The following PPFIA3 variants were observed in gnomAD, a reference collection of about 807,000 sequenced individuals.
The protein encoded by PPFIA3 is PPFI scaffold protein A3.
Under a neutral mutation model 145.8 loss-of-function variants are expected in PPFIA3, and 26 were observed. The observed-to-expected ratio is 0.18, with a 90% CI of 0.13 to 0.25. The LOEUF (loss-of-function observed/expected upper bound fraction) is 0.25, where lower values mean the gene tolerates loss of function less well. Among genes scored for constraint, PPFIA3 ranks in the 10% least tolerant of loss-of-function variants. PPFIA3 has a pLI of 1.00. For missense variants in PPFIA3, 1,008 were observed against 1,587.8 expected (o/e 0.63, Z 6.21); for synonymous variants, 645 against 661.4 (o/e 0.98, Z 0.38).
Position 49,137,628 on chromosome 19 carries a change from C to CAAAAAAAAAAAAAA in PPFIA3, c.1854-560_1854-547dup, listed in dbSNP as rs3032695. ...TGGGCTACAGAGCGAGACTCCGTGT[C>CAAAAAAAAAAAAAA]AAAAAAAAAAAAAAAAAAAAAAAAA... On this transcript the variant is annotated intron_variant, in intron 15 of 29. Coordinates refer to ENST00000334186, the MANE Select transcript of PPFIA3 (RefSeq NM_003660.4). Among the ~76,000 whole-genome samples, 137 of 43,780 alleles carry CAAAAAAAAAAAAAA rather than the reference C, an allele frequency of 3.1e-3. 15 individuals carry two copies. Among genetic ancestry groups the CAAAAAAAAAAAAAA allele is most frequent in the Middle Eastern group, 0.031 (1 of 32 alleles). 28.7% of individuals were successfully genotyped at this position (43,780 alleles called of 152,430 possible).
Position 49,136,707 on chromosome 19 carries a change from TC to T in PPFIA3, c.1666-13del. 2 of 1,418,934 alleles carry T rather than the reference TC, an allele frequency of 1.4e-6. No individual in the cohort carries two copies. Among genetic ancestry groups the T allele is most frequent in the Admixed American group, 2.5e-5 (1 of 39,928 alleles). 87.9% of individuals were successfully genotyped at this position (1,418,934 alleles called of 1,614,324 possible). ...CCCCCAGCCACCTAATGTCCCTCTG[TC>T]CCCACACAGGGATAGGATTGGGAGC... On this transcript the variant is annotated splice_polypyrimidine_tract_variant and intron_variant, in intron 14 of 29. Transcript: ENST00000334186.
intron 18 of PPFIA3, 96 bp downstream of exon 18, chr19:49,140,184 T>C (rs2122612586): frequency 7.2e-7 from 1 of 1,384,242 alleles, no homozygotes; most frequent in African/African-American, 1.4e-5. Flanking sequence ...CATCCATTCA[T>C]GTCTTCATTC....
At position 49,138,653 on chromosome 19, in the gene PPFIA3, C is replaced by T. The variant is rs989161675; in HGVS notation, c.2076+226C>T. On this transcript the variant is annotated intron_variant, in intron 16 of 29. Coordinates refer to ENST00000334186, the MANE Select transcript of PPFIA3 (RefSeq NM_003660.4). ...ATCTGGTCTACTTTTATTTCTCATG[C>T]GTCAAGTTTCTGCATAGGATTTTAA... 5.3e-5 allele frequency among the ~76,000 whole-genome samples: 8 copies of T among 152,270 alleles called. 1 individual carries two copies. Among genetic ancestry groups the T allele is most frequent in the African/African-American group, 1.2e-4 (5 of 41,540 alleles).
At chr19:49,146,339 TC>T in intron 23 of PPFIA3, 147 bp downstream of exon 23, 1 of 1,018,346 alleles carries the variant, frequency 9.8e-7, no homozygotes, top group Non-Finnish European at 1.4e-6. Flanking sequence ...TCTGGACTGT[TC>T]CATTATGGCT....
intron 21 of PPFIA3, 127 bp downstream of exon 21, chr19:49,143,131 C>G (rs148310154): frequency 0.012 from 13,269 of 1,077,014 alleles, 116 homozygotes; most frequent in African/African-American, 0.021. Flanking sequence ...GCTTTTACCC[C>G]CCTCAGCCTC....
intron 24 of PPFIA3, 182 bp from the exon 25 acceptor site, chr19:49,148,484 T>G: frequency 1.4e-6 from 1 of 722,844 alleles, no homozygotes; most frequent in Non-Finnish European, 2.3e-6. Context: ...CCTTCCAGGC[T>G]GGCCAGTAGG....
intron 7 of PPFIA3, among the ~76,000 whole-genome samples, chr19:49,132,389 T>A (rs1443603797): frequency 3.8e-5 from 1 of 26,086 alleles, no homozygotes; most frequent in African/African-American, 2.4e-4. Context: ...ACTCTCTCTC[T>A]CAAAAAAAAA....
intron 13 of PPFIA3, 143 bp downstream of exon 13, chr19:49,135,058 T>C (rs1273202960): frequency 1.4e-6 from 1 of 732,506 alleles, no homozygotes; most frequent in African/African-American, 1.8e-5. Context: ...TTTGTTTGTT[T>C]TGAGACAGAG....
intron 1 of PPFIA3, among the ~76,000 whole-genome samples, chr19:49,124,827 A>C (rs935468393): frequency 6.6e-6 from 1 of 152,032 alleles, no homozygotes; most frequent in Non-Finnish European, 1.5e-5. Context: ...GCACTTTGGG[A>C]GGCCGAGGCG....
chr19:49,135,513 C>A (rs1343076745), intron 13 of PPFIA3, among the ~76,000 whole-genome samples: 1 of 152,208 alleles, frequency 6.6e-6, no homozygotes, highest in Non-Finnish European at 1.5e-5. Flanking sequence ...GCAGGGATTA[C>A]AGGAGCCCAC....
In PPFIA3 at chr19:49,128,204, G is replaced by A; in HGVS notation, c.240+91G>A. On this transcript the variant is annotated intron_variant, in intron 2 of 29. Coordinates refer to ENST00000334186, the MANE Select transcript of PPFIA3 (RefSeq NM_003660.4). This position sits in a 1 kb window ranked among gnomAD's most constrained non-coding sequence, Gnocchi z 4.1. ...GGGGCCGGGCTTGGCGCCTGGAAGG[G>A]AGGAGTCTGGGCGAGGCTTGCCGTT... 6.8e-7 allele frequency: 1 copy of A among 1,474,142 alleles called. No homozygotes were observed. Among genetic ancestry groups the A allele is most frequent in the Non-Finnish European group, 9.1e-7 (1 of 1,104,718 alleles). The allele number at this position is 1,474,142 out of a possible 1,614,324, so 91.3% of individuals were successfully genotyped here. A position where few individuals can be genotyped will look rare whatever the true frequency, so the allele number is the denominator to read the frequency against.
intron 18 of PPFIA3, among the ~76,000 whole-genome samples, chr19:49,140,717 C>T (rs2041211280): frequency 1.6e-5 from 2 of 124,318 alleles, no homozygotes; most frequent in Admixed American, 1.1e-4. Flanking sequence ...TGCAGTGGTG[C>T]TATCTCGGCT....
Position 49,149,452 on chromosome 19 carries a change from G to T in PPFIA3, c.3355-95G>T. 1.9e-6 allele frequency: 3 copies of T among 1,585,996 alleles called. No individual in the cohort carries two copies. The highest frequency in any genetic ancestry group is 1.1e-5 in the South Asian group (1 of 89,936). ...GGGCCAGGAGAGGGGCGGGGTTAAA[G>T]GAGAGGTGAGACCCGGAGAGGGGTG... On this transcript the variant is annotated intron_variant, in intron 27 of 29. Coordinates refer to ENST00000334186, the MANE Select transcript of PPFIA3 (RefSeq NM_003660.4). This position sits in a 1 kb window ranked among gnomAD's most constrained non-coding sequence, Gnocchi z 5.7.
At chr19:49,141,588 A>ATG in intron 19 of PPFIA3, 75 bp downstream of exon 19, 1 of 1,066,500 alleles carries the variant, frequency 9.4e-7, no homozygotes, top group Admixed American at 2.3e-5. Flanking sequence ...GTGTGCGTGT[A>ATG]TGTGTGTGTA....
chr19:49,134,952 G>A (rs1335998593), intron 13 of PPFIA3, 37 bp downstream of exon 13: 2 of 1,503,494 alleles, frequency 1.3e-6, no homozygotes, highest in Non-Finnish European at 8.9e-7. Context: ...CCACCATGGA[G>A]CCCCGTTGGC....
At position 49,139,663 on chromosome 19, in the gene PPFIA3, C is replaced by T. The variant is rs1318415777; in HGVS notation, c.2077-5C>T. The T allele has an allele frequency of 5.3e-5, 84 of 1,579,860 alleles. No homozygotes were observed. The highest frequency in any genetic ancestry group is 6.9e-5 in the Non-Finnish European group (80 of 1,163,892). Reference sequence around the variant, plus strand: ...CAATCCAGCATCTGTGCCCTCTGTCCTCAGAATCATGTCCCTAAGGAGGAA... The same window carrying T: ...CAATCCAGCATCTGTGCCCTCTGTCTTCAGAATCATGTCCCTAAGGAGGAA... On this transcript the variant is annotated splice_polypyrimidine_tract_variant and splice_region_variant and intron_variant, in intron 16 of 29. Transcript: ENST00000334186.
In PPFIA3 at chr19:49,148,895, G is replaced by T. The variant is rs1432543066; in HGVS notation, c.3110-98G>T. 3.2e-6 allele frequency: 5 copies of T among 1,572,100 alleles called. No homozygotes were observed. In the African/African-American group the frequency reaches 5.4e-5, roughly 17 times the overall value. On this transcript the variant is annotated intron_variant, in intron 25 of 29. Coordinates refer to ENST00000334186, the MANE Select transcript of PPFIA3 (RefSeq NM_003660.4). ...CGTGGGGGTGGAGCCAGCGTGGGGG[G>T]CGTGGCCCGAAGAGACCAAATGGAG...
Position 49,120,452 on chromosome 19 carries a change from G to A in PPFIA3, c.-16+730G>A, listed in dbSNP as rs2040923472. 6.6e-6 allele frequency among the ~76,000 whole-genome samples: 1 copy of A among 152,160 alleles called. No individual in the cohort carries two copies. The highest frequency in any genetic ancestry group is 1.5e-5 in the Non-Finnish European group (1 of 68,016). ...TCTGAATTTTCCTATTCTGGTCGCCGTGGGGACCATGGCACCCGGGGATGC... is the reference window on the plus strand; with the variant it reads ...TCTGAATTTTCCTATTCTGGTCGCCATGGGGACCATGGCACCCGGGGATGC... On this transcript the variant is annotated intron_variant, in intron 1 of 29. Coordinates refer to ENST00000334186, the MANE Select transcript of PPFIA3 (RefSeq NM_003660.4). The surrounding 1 kb of genome is among the most constrained non-coding windows in gnomAD (Gnocchi z 4.6).
intron 14 of PPFIA3, among the ~76,000 whole-genome samples, chr19:49,136,182 G>C (rs1029786446): frequency 6.6e-6 from 1 of 152,166 alleles, no homozygotes; most frequent in Non-Finnish European, 1.5e-5. Context: ...AGAGTAGGTG[G>C]GGTTAGGTGA....
Sources: allele counts gnomAD v4.1 joint callset (sites outside exome capture counted in the v4.1 genomes callset), GRCh38; gene constraint gnomAD v4.1.1; non-coding constraint Gnocchi (gnomAD v3.1); transcripts MANE v1.5; gene names NCBI Gene and HGNC (gene_info 2026-07-23, HGNC 2026-07-21).